ARB2A: variants seen among roughly 807,000 people sequenced by gnomAD.
ARB2A encodes ARB2 cotranscriptional regulator A, also known as cotranscriptional regulator ARB2A.
At chr5:93,972,567 T>C in the ARB2A span, among the ~76,000 whole-genome samples, 4 of 152,072 alleles carry the variant, frequency 2.6e-5, no homozygotes, top group Admixed American at 6.5e-5. Context: ...TCATCATCTC[T>C]AAATGATCCC....
At chr5:93,952,722 A>T in the ARB2A span, among the ~76,000 whole-genome samples, 2 of 151,438 alleles carry the variant, frequency 1.3e-5, no homozygotes, top group South Asian at 2.1e-4. Flanking sequence ...TCTAGGTCTC[A>T]GAAGTTCTCT....
chr5:93,627,856 T>C, the ARB2A span, among the ~76,000 whole-genome samples: 1 of 152,020 alleles, frequency 6.6e-6, no homozygotes, highest in Non-Finnish European at 1.5e-5. Context: ...TTCTTATACA[T>C]CTCCATCAGA....
chr5:94,065,496 A>G, the ARB2A span, among the ~76,000 whole-genome samples: 4 of 152,198 alleles, frequency 2.6e-5, no homozygotes, highest in Non-Finnish European at 5.9e-5. Context: ...CCTGGGTGAC[A>G]CAGTGAGACC....
chr5:93,926,989 T>C, the ARB2A span, among the ~76,000 whole-genome samples: 2 of 149,440 alleles, frequency 1.3e-5, no homozygotes, highest in Admixed American at 1.3e-4. Context: ...TTTAGGTCAT[T>C]GAGAGAAAAA....
chr5:93,908,787 G>A, the ARB2A span, among the ~76,000 whole-genome samples: 15 of 150,786 alleles, frequency 9.9e-5, no homozygotes, highest in Non-Finnish European at 2.1e-4. Flanking sequence ...ACAAAAGTAG[G>A]AGAATTCTAA....
the ARB2A span, among the ~76,000 whole-genome samples, chr5:94,081,110 A>T: frequency 1.3e-5 from 2 of 152,242 alleles, no homozygotes; most frequent in Admixed American, 1.3e-4. Context: ...TCATTATAAA[A>T]ATGCAAATCA....
the ARB2A span, among the ~76,000 whole-genome samples, chr5:93,894,418 A>AG: frequency 4.6e-5 from 7 of 152,048 alleles, no homozygotes; most frequent in African/African-American, 1.7e-4. Flanking sequence ...TTAAAAAAAA[A>AG]AGAGAGAATT....
the ARB2A span, among the ~76,000 whole-genome samples, chr5:93,699,555 A>C: frequency 1.3e-5 from 2 of 152,002 alleles, no homozygotes; most frequent in Admixed American, 6.6e-5. Context: ...AGTGGAGAAC[A>C]ATCTCCCTGT....
the ARB2A span, among the ~76,000 whole-genome samples, chr5:93,806,298 C>T: frequency 6.6e-6 from 1 of 151,740 alleles, no homozygotes; most frequent in African/African-American, 2.4e-5. Flanking sequence ...TAATTTTCTC[C>T]CTAAACTACC....
At chr5:94,052,710 C>T in the ARB2A span, among the ~76,000 whole-genome samples, 1 of 152,174 alleles carries the variant, frequency 6.6e-6, no homozygotes, top group Non-Finnish European at 1.5e-5. Flanking sequence ...TCATGGAAAA[C>T]TACTTTAAAA....
chr5:94,098,601 C>T, the ARB2A span, among the ~76,000 whole-genome samples: 1 of 152,084 alleles, frequency 6.6e-6, no homozygotes, highest in Non-Finnish European at 1.5e-5. Context: ...AAATCAACCC[C>T]AAAGCTAGAA....
the ARB2A span, among the ~76,000 whole-genome samples, chr5:94,072,807 A>C: frequency 6.6e-6 from 1 of 152,180 alleles, no homozygotes; most frequent in Non-Finnish European, 1.5e-5. Flanking sequence ...AAAAGAGATG[A>C]CATAACTTTC....
At chr5:93,926,133 C>CT in the ARB2A span, among the ~76,000 whole-genome samples, 545 of 144,444 alleles carry the variant, frequency 3.8e-3, no homozygotes, top group Middle Eastern at 0.029. Context: ...ATTTCCAATT[C>CT]TTTTTTTTTT....
the ARB2A span, among the ~76,000 whole-genome samples, chr5:93,892,872 C>T: frequency 6.6e-6 from 1 of 152,140 alleles, no homozygotes; most frequent in East Asian, 1.9e-4. Flanking sequence ...TAGCAGATTA[C>T]TTAGCATACT....
At chr5:93,962,540 A>T in the ARB2A span, among the ~76,000 whole-genome samples, 2 of 152,188 alleles carry the variant, frequency 1.3e-5, no homozygotes, top group South Asian at 4.2e-4. Context: ...GTTCATCACC[A>T]GGAAAAAAAA....
At chr5:93,631,580 C>G in the ARB2A span, among the ~76,000 whole-genome samples, 1 of 152,212 alleles carries the variant, frequency 6.6e-6, no homozygotes, top group African/African-American at 2.4e-5. Flanking sequence ...GTAGTTACTT[C>G]CCTAAGAACA....
At chr5:93,743,521 C>T in the ARB2A span, 2 of 984,424 alleles carry the variant, frequency 2.0e-6, no homozygotes, top group Non-Finnish European at 2.4e-6. Flanking sequence ...TATCTATTCT[C>T]TTGAGGTATA....
chr5:93,887,706 T>C, the ARB2A span, among the ~76,000 whole-genome samples: 16 of 151,886 alleles, frequency 1.1e-4, no homozygotes, highest in African/African-American at 3.9e-4. Context: ...AACATAAATG[T>C]ATCATAAAAG....
At chr5:93,682,516 T>C in the ARB2A span, among the ~76,000 whole-genome samples, 2 of 152,012 alleles carry the variant, frequency 1.3e-5, no homozygotes, top group Admixed American at 6.6e-5. Flanking sequence ...TTTTTTTTTT[T>C]TTTACTTTAT....
Sources: allele counts gnomAD v4.1 joint callset (sites outside exome capture counted in the v4.1 genomes callset), GRCh38; gene constraint gnomAD v4.1.1; transcripts MANE v1.5; gene names NCBI Gene and HGNC (gene_info 2026-07-23, HGNC 2026-07-21).